The following CBLB variants were observed in gnomAD, a reference collection of about 807,000 sequenced individuals.
The protein encoded by CBLB is Cbl proto-oncogene B.
Under a neutral mutation model 104.9 loss-of-function variants are expected in CBLB, and 31 were observed. The ratio of observed to expected loss-of-function variants is 0.30; its 90% CI spans 0.22 to 0.40. The LOEUF (loss-of-function observed/expected upper bound fraction) is 0.40, where lower values mean the gene tolerates loss of function less well. Ranked by LOEUF, CBLB falls within the 10% of genes least tolerant of loss-of-function variation. The pLI, the probability that CBLB is intolerant of heterozygous loss-of-function variation, is 1.00. For missense variants in CBLB, 1,062 were observed against 1,214.6 expected (o/e 0.87, Z 1.87); for synonymous variants, 440 against 422.6 (o/e 1.04, Z -0.51).
chr3:105,701,552 CAA>C (rs1174940813), intron 12 of CBLB, among the ~76,000 whole-genome samples: 1 of 152,138 alleles, frequency 6.6e-6, no homozygotes, highest in South Asian at 2.1e-4. Context: ...CCCCTGAGCT[CAA>C]GAGTTCAAGA....
chr3:105,756,967 T>A (rs1404913781), intron 4 of CBLB, among the ~76,000 whole-genome samples: 1 of 152,138 alleles, frequency 6.6e-6, no homozygotes, highest in African/African-American at 2.4e-5. Flanking sequence ...GATCTGGTTG[T>A]TTAAGTGCAC....
At chr3:105,671,619 T>C (rs1332612175) in intron 17 of CBLB, 1 of 206,560 alleles carries the variant, frequency 4.8e-6, no homozygotes, top group Non-Finnish European at 9.9e-6. Flanking sequence ...TAATAATATG[T>C]AAGTATTTGA....
chr3:105,726,302 A>G (rs1485708595), intron 9 of CBLB, among the ~76,000 whole-genome samples: 1 of 152,134 alleles, frequency 6.6e-6, no homozygotes, highest in Non-Finnish European at 1.5e-5. Flanking sequence ...GAGTTTATTG[A>G]TTTTTTTGTA....
chr3:105,851,851 T>G (rs1290364721), intron 3 of CBLB, among the ~76,000 whole-genome samples: 1 of 152,200 alleles, frequency 6.6e-6, no homozygotes. Flanking sequence ...GTTAGTGCTT[T>G]CATAAGATTA....
Position 105,702,476 on chromosome 3 carries a change from GAAAAAAAAAA to G in CBLB, c.1594-27_1594-18del, listed in dbSNP as rs34208930. On this transcript the variant is annotated intron_variant, in intron 11 of 18. Coordinates refer to ENST00000394030, the MANE Select transcript of CBLB (RefSeq NM_170662.5). ...AGGAGAAGACTAAAGAAACAGAAGAGAAAAAAAAAAAAAAAAAAAAAAACTAAAGGTTGTA... is the reference window on the plus strand; with the variant it reads ...AGGAGAAGACTAAAGAAACAGAAGAGAAAAAAAAAAAAACTAAAGGTTGTA... The G allele has an allele frequency of 8.6e-5, 24 of 279,626 alleles. No homozygotes were observed. Among genetic ancestry groups the G allele is most frequent in the South Asian group, 4.9e-4 (11 of 22,382 alleles). 17.3% of individuals were successfully genotyped at this position (279,626 alleles called of 1,614,324 possible).
intron 9 of CBLB, among the ~76,000 whole-genome samples, chr3:105,732,525 G>A (rs541505054): frequency 3.3e-5 from 5 of 152,206 alleles, no homozygotes; most frequent in South Asian, 4.1e-4. Flanking sequence ...TTTGAACAAC[G>A]TTACTGAGGT....
intron 5 of CBLB, among the ~76,000 whole-genome samples, chr3:105,750,325 C>T (rs1164375574): frequency 6.6e-6 from 1 of 152,080 alleles, no homozygotes; most frequent in African/African-American, 2.4e-5. Context: ...AAAAACCAGT[C>T]ATCCAATCCT....
At chr3:105,817,916 T>C (rs2085292466) in intron 3 of CBLB, among the ~76,000 whole-genome samples, 1 of 152,236 alleles carries the variant, frequency 6.6e-6, no homozygotes, top group Non-Finnish European at 1.5e-5. Context: ...TTTATGTCTT[T>C]CAATTTATTA....
chr3:105,869,058 G>A (rs954539189), upstream of CBLB: 3 of 1,065,820 alleles, frequency 2.8e-6, no homozygotes, highest in Admixed American at 5.2e-5. Flanking sequence ...GGGGCGGGGC[G>A]GGGCGGGGGC....
chr3:105,828,002 T>G (rs575115223), intron 3 of CBLB, among the ~76,000 whole-genome samples: 34 of 152,346 alleles, frequency 2.2e-4, no homozygotes, highest in Non-Finnish European at 1.0e-4. Context: ...TACTATCTGA[T>G]GCTGATGTTT....
chr3:105,655,825 G>A lies in CBLB; in HGVS notation c.*3145C>T. The A allele has an allele frequency of 4.6e-6, 1 of 216,784 alleles. No homozygotes were observed. Among genetic ancestry groups the A allele is most frequent in the Non-Finnish European group, 9.3e-6 (1 of 107,572 alleles). The allele number at this position is 216,784 out of a possible 1,614,324, so 13.4% of individuals were successfully genotyped here. On this transcript the variant is annotated 3_prime_UTR_variant, in exon 19 of 19. Transcript: ENST00000394030. The stretch of plus-strand genomic sequence containing the variant: ...TCAGTGCAAATCAAAGCTTCAAGTT[G>A]AAAATCTGAGAGAAAAAATAACGTT...
intron 3 of CBLB, among the ~76,000 whole-genome samples, chr3:105,848,651 A>C (rs2090580658): frequency 6.6e-6 from 1 of 152,086 alleles, no homozygotes; most frequent in South Asian, 2.1e-4. Flanking sequence ...ATTTTGATTC[A>C]TGTACTCATC....
At chr3:105,780,362 A>G (rs78818427) in intron 3 of CBLB, among the ~76,000 whole-genome samples, 11,205 of 152,136 alleles carry the variant, frequency 0.074, 574 homozygotes, top group East Asian at 0.28. Flanking sequence ...ACCTAAAATG[A>G]TGACTGCCTA....
intron 3 of CBLB, among the ~76,000 whole-genome samples, chr3:105,788,371 G>A (rs564623443): frequency 3.4e-4 from 52 of 152,024 alleles, no homozygotes; most frequent in African/African-American, 1.0e-3. Context: ...AAAAGCAGGA[G>A]TGTCCAATCT....
At chr3:105,699,218 A>T (rs1011646052) in intron 12 of CBLB, among the ~76,000 whole-genome samples, 8 of 152,186 alleles carry the variant, frequency 5.3e-5, no homozygotes, top group Non-Finnish European at 8.8e-5. Context: ...AGAAAAAAGG[A>T]GTGAAACAAA....
chr3:105,687,569 G>T (rs2067167341), intron 13 of CBLB, among the ~76,000 whole-genome samples: 1 of 151,730 alleles, frequency 6.6e-6, no homozygotes, highest in South Asian at 2.1e-4. Context: ...ATCTAGAAGT[G>T]AAAAAATAGT....
intron 9 of CBLB, among the ~76,000 whole-genome samples, chr3:105,728,708 T>C (rs1051512331): frequency 6.6e-6 from 1 of 152,194 alleles, no homozygotes; most frequent in Non-Finnish European, 1.5e-5. Context: ...AGAATGTCTC[T>C]AGAAAGGTGA....
chr3:105,693,485 A>G lies in CBLB; in HGVS notation c.2054+9T>C, dbSNP rs1427710978. 3 of 1,591,942 alleles carry G rather than the reference A, an allele frequency of 1.9e-6. No homozygotes were observed. Among genetic ancestry groups the G allele is most frequent in the Non-Finnish European group, 2.6e-6 (3 of 1,160,338 alleles). ...TAGACAAGTGATCTCCAAATTCAAC[A>G]AAACTCACTTTATGCTAGGGAGGAG... On this transcript the variant is annotated intron_variant, in intron 13 of 18. Transcript: ENST00000394030.
At chr3:105,670,436 A>G in intron 17 of CBLB, 84 bp from the exon 18 acceptor site, 1 of 1,078,498 alleles carries the variant, frequency 9.3e-7, no homozygotes, top group Non-Finnish European at 1.4e-6. Context: ...TATTTTATGA[A>G]GATTATGGCT....
Sources: gnomAD v4.1 joint callset for allele counts (sites outside exome capture counted in the v4.1 genomes callset) on GRCh38, gnomAD v4.1.1 for gene constraint, MANE v1.5 for transcripts, NCBI Gene and HGNC (gene_info 2026-07-23, HGNC 2026-07-21) for gene names.